The following UGT1A9 variants were observed in gnomAD, a reference collection of about 807,000 sequenced individuals.
UGT1A9 encodes UDP-glucuronosyltransferase 1A9.
A neutral mutation model predicts 45.0 loss-of-function variants in UGT1A9; 35 were observed. The observed-to-expected ratio is 0.78, with a 90% CI of 0.59 to 1.03. UGT1A9 has a LOEUF of 1.03. Ranked by LOEUF, UGT1A9 falls within the 50% of genes least tolerant of loss-of-function variation. The probability of loss-of-function intolerance (pLI) is 0.00; values close to 1 mark genes in which losing one functional copy is unlikely to be tolerated. For missense variants in UGT1A9, 687 were observed against 666.6 expected, an observed-to-expected ratio of 1.03 and a Z score of -0.34; for synonymous variants, 278 against 250.6, an observed-to-expected ratio of 1.11 and a Z score of -1.03.
intron 1 of UGT1A9, among the ~76,000 whole-genome samples, chr2:233,688,124 A>G (rs2074878809): frequency 6.6e-6 from 1 of 151,968 alleles, no homozygotes. Flanking sequence ...CTCAGCACTA[A>G]TTTACTTTCT....
chr2:233,767,947 C>T lies in UGT1A9; in HGVS notation c.1075+11C>T, dbSNP rs61764033. On this transcript the variant is annotated intron_variant, in intron 3 of 4. Coordinates refer to ENST00000354728, the MANE Select transcript of UGT1A9 (RefSeq NM_021027.3). ...AAAACGATCTGCTTGGTATGTTGGG[C>T]GGATTGGATGTATAGGTCAAACCAG... 4.4e-5 allele frequency: 71 copies of T among 1,614,092 alleles called. No individual in the cohort carries two copies. Among genetic ancestry groups the T allele is most frequent in the Middle Eastern group, 1.6e-4 (1 of 6,062 alleles).
intron 1 of UGT1A9, among the ~76,000 whole-genome samples, chr2:233,737,428 G>A (rs188444988): frequency 6.6e-6 from 1 of 152,348 alleles, no homozygotes; most frequent in African/African-American, 2.4e-5. Context: ...CAGTATTTGG[G>A]TGGGAGTGTC....
intron 1 of UGT1A9, among the ~76,000 whole-genome samples, chr2:233,702,926 A>C (rs1284253822): frequency 1.3e-5 from 2 of 152,120 alleles, no homozygotes; most frequent in Non-Finnish European, 2.9e-5. Flanking sequence ...TTTCTTGCGG[A>C]GCCTTGGTCT....
intron 1 of UGT1A9, chr2:233,717,747 C>G (rs1435136847): frequency 4.4e-6 from 2 of 456,422 alleles, no homozygotes; most frequent in Non-Finnish European, 8.8e-6. Flanking sequence ...CTCAGGGTCT[C>G]CCCCTAGAAA....
At chr2:233,748,319 T>C (rs554683228) in intron 1 of UGT1A9, among the ~76,000 whole-genome samples, 1 of 151,864 alleles carries the variant, frequency 6.6e-6, no homozygotes, top group South Asian at 2.1e-4. Flanking sequence ...GGACTAGGAC[T>C]GATGTGACTC....
chr2:233,722,310 C>T (rs1175597546), intron 1 of UGT1A9, among the ~76,000 whole-genome samples: 2 of 152,156 alleles, frequency 1.3e-5, no homozygotes, highest in Non-Finnish European at 2.9e-5. Context: ...CCCTTACTTA[C>T]TTGGTTTGGT....
intron 1 of UGT1A9, chr2:233,682,038 A>T (rs201684360): frequency 1.2e-6 from 2 of 1,614,046 alleles, no homozygotes; most frequent in South Asian, 1.1e-5. Flanking sequence ...GTGCCCATGG[A>T]TGGGAGCCAC....
chr2:233,751,035 T>C (rs1231285641), intron 1 of UGT1A9, among the ~76,000 whole-genome samples: 3 of 151,854 alleles, frequency 2.0e-5, no homozygotes, highest in African/African-American at 7.3e-5. Context: ...TAGCTTGCAC[T>C]GTGTGCCTGG....
intron 1 of UGT1A9, chr2:233,713,436 G>A (rs773281887): frequency 2.0e-5 from 32 of 1,614,146 alleles, no homozygotes; most frequent in Non-Finnish European, 2.5e-5. Context: ...CTTTGATGTG[G>A]TTCTAACAGA....
At chr2:233,706,646 C>T (rs1489245127) in intron 1 of UGT1A9, among the ~76,000 whole-genome samples, 1 of 152,072 alleles carries the variant, frequency 6.6e-6, no homozygotes, top group Non-Finnish European at 1.5e-5. Flanking sequence ...GTGTCTGTGC[C>T]CCATCACTGT....
intron 1 of UGT1A9, among the ~76,000 whole-genome samples, chr2:233,766,742 G>T (rs1249550835): frequency 6.6e-6 from 1 of 152,146 alleles, no homozygotes; most frequent in African/African-American, 2.4e-5. Context: ...GTATGTACAG[G>T]TGTGTGCATG....
intron 1 of UGT1A9, chr2:233,747,238 C>T (rs1693595349): frequency 1.8e-5 from 29 of 1,603,598 alleles, no homozygotes; most frequent in Non-Finnish European, 2.5e-5. Flanking sequence ...CCAGGTTCCC[C>T]TGCTGTGGCT....
intron 1 of UGT1A9, chr2:233,681,874 C>G: frequency 6.5e-7 from 1 of 1,543,070 alleles, no homozygotes; most frequent in Non-Finnish European, 8.7e-7. Flanking sequence ...ATCTGTACTT[C>G]TTCCACTTAC....
At chr2:233,674,803 C>T (rs991441193) in intron 1 of UGT1A9, among the ~76,000 whole-genome samples, 4 of 152,164 alleles carry the variant, frequency 2.6e-5, no homozygotes, top group Admixed American at 6.6e-5. Context: ...ATTCAGAACT[C>T]AAAGAAGGCT....
At chr2:233,707,135 C>A (rs2075943267) in intron 1 of UGT1A9, among the ~76,000 whole-genome samples, 1 of 152,064 alleles carries the variant, frequency 6.6e-6, no homozygotes, top group African/African-American at 2.4e-5. Context: ...GCTTTCTATC[C>A]CGGAGGTCAC....
chr2:233,732,917 C>T (rs958837276), intron 1 of UGT1A9, among the ~76,000 whole-genome samples: 38 of 152,062 alleles, frequency 2.5e-4, no homozygotes, highest in Non-Finnish European at 3.8e-4. Context: ...GCCATTTTCA[C>T]GATATTGATT....
At chr2:233,734,058 T>C (rs887358519) in intron 1 of UGT1A9, among the ~76,000 whole-genome samples, 3 of 152,142 alleles carry the variant, frequency 2.0e-5, no homozygotes, top group Non-Finnish European at 4.4e-5. Context: ...TATACATATG[T>C]AACAAACCTG....
At chr2:233,753,869 G>A (rs1051497204) in intron 1 of UGT1A9, among the ~76,000 whole-genome samples, 1 of 152,142 alleles carries the variant, frequency 6.6e-6, no homozygotes, top group African/African-American at 2.4e-5. Context: ...TAACCCCAAG[G>A]TCTGTCCTCA....
At chr2:233,764,548 G>A (rs1431186890) in intron 1 of UGT1A9, among the ~76,000 whole-genome samples, 1 of 152,168 alleles carries the variant, frequency 6.6e-6, no homozygotes, top group African/African-American at 2.4e-5. Context: ...TGGGCGTGTG[G>A]GAGGGTGTGC....
Sources: allele counts gnomAD v4.1 joint callset (sites outside exome capture counted in the v4.1 genomes callset), GRCh38; gene constraint gnomAD v4.1.1; transcripts MANE v1.5; gene names NCBI Gene and HGNC (gene_info 2026-07-23, HGNC 2026-07-21).